The following LRRC37A3 variants were observed in gnomAD, a reference collection of about 807,000 sequenced individuals.
LRRC37A3 encodes the protein leucine rich repeat containing 37 member A3.
Under a neutral mutation model 106.2 loss-of-function variants are expected in LRRC37A3, and 25 were observed. The observed-to-expected ratio is 0.24, with a 90% CI of 0.17 to 0.33. The LOEUF (loss-of-function observed/expected upper bound fraction) is 0.33. Ranked by LOEUF, LRRC37A3 falls within the 10% of genes least tolerant of loss-of-function variation. LRRC37A3 has a pLI of 1.00. For synonymous variants in LRRC37A3, 305 were observed against 635.8 expected (o/e 0.48, Z 7.83); for missense variants, 712 against 1,644.9 (o/e 0.43, Z 9.81).
chr17:64,893,751 G>A (rs1301349252), intron 4 of LRRC37A3, among the ~76,000 whole-genome samples: 1 of 142,210 alleles, frequency 7.0e-6, no homozygotes, highest in Non-Finnish European at 1.5e-5. Flanking sequence ...CCAGGTTCAC[G>A]CCATTCTCCT....
At chr17:64,912,458 T>G (rs1457973812) in intron 2 of LRRC37A3, among the ~76,000 whole-genome samples, 2 of 151,838 alleles carry the variant, frequency 1.3e-5, no homozygotes, top group Admixed American at 6.6e-5. Context: ...TCTAAGTAGG[T>G]AGGTTAGGTA....
chr17:64,876,177 T>C (rs1401763385), intron 8 of LRRC37A3, among the ~76,000 whole-genome samples: 1 of 151,988 alleles, frequency 6.6e-6, no homozygotes, highest in South Asian at 2.1e-4. Flanking sequence ...GCCACAAACA[T>C]TTTGTTTTTT....
At chr17:64,898,629 A>C (rs1974205711) in intron 2 of LRRC37A3, 170 bp from the exon 3 acceptor site, 1 of 779,414 alleles carries the variant, frequency 1.3e-6, no homozygotes, top group Non-Finnish European at 1.5e-6. Context: ...TAAAGCTTGA[A>C]GTCTCCTTGG....
At chr17:64,874,277 G>A (rs994425980) in intron 8 of LRRC37A3, among the ~76,000 whole-genome samples, 8 of 152,258 alleles carry the variant, frequency 5.3e-5, no homozygotes, top group Non-Finnish European at 1.2e-4. Flanking sequence ...TGGGATGTGA[G>A]GAGCGCCTCT....
rs1454498930 is a variant in LRRC37A3, at chr17:64,861,912, G to A, written c.3173-939C>T. On this transcript the variant is annotated intron_variant, in intron 11 of 14. Coordinates refer to ENST00000584306, the MANE Select transcript of LRRC37A3 (RefSeq NM_199340.5). ...AAAAGTACTTTGGGTGGTGGTGAGG[G>A]TCAGAGGAAGAAGTAAAGATTGTGA... Among the ~76,000 whole-genome samples the A allele has an allele frequency of 3.9e-5, 6 of 152,190 alleles. No individual in the cohort carries two copies. The East Asian group carries it at 1.2e-3, about 29-fold the overall frequency.
chr17:64,918,917 G>T, intron 1 of LRRC37A3, 47 bp from the exon 2 acceptor site: 2 of 744,950 alleles, frequency 2.7e-6, no homozygotes, highest in Non-Finnish European at 3.7e-6. Context: ...AGCACCTGTA[G>T]TGACTACACC....
At chr17:64,912,361 A>G in intron 2 of LRRC37A3, among the ~76,000 whole-genome samples, 1 of 151,834 alleles carries the variant, frequency 6.6e-6, no homozygotes, top group Admixed American at 6.6e-5. Context: ...ACACACACAC[A>G]TATATACAAT....
intron 2 of LRRC37A3, among the ~76,000 whole-genome samples, chr17:64,916,834 G>A (rs1347427463): frequency 2.7e-5 from 4 of 149,354 alleles, no homozygotes; most frequent in African/African-American, 5.0e-5. Context: ...ATGATATACA[G>A]ATGGCAAATC....
chr17:64,872,681 C>G (rs1787691818), intron 8 of LRRC37A3, among the ~76,000 whole-genome samples: 1 of 152,128 alleles, frequency 6.6e-6, no homozygotes, highest in African/African-American at 2.4e-5. Context: ...ATAGGAAAAG[C>G]TGAGGAATAA....
chr17:64,868,749 T>C (rs1973205539), intron 9 of LRRC37A3, among the ~76,000 whole-genome samples: 1 of 152,156 alleles, frequency 6.6e-6, no homozygotes, highest in African/African-American at 2.4e-5. Context: ...TTTTTACCAT[T>C]ATCTTCTCAT....
intron 8 of LRRC37A3, among the ~76,000 whole-genome samples, chr17:64,878,810 C>A (rs1973596496): frequency 2.0e-5 from 3 of 152,308 alleles, no homozygotes; most frequent in Non-Finnish European, 2.9e-5. Context: ...GCCATATGAT[C>A]TAGCAATTCT....
chr17:64,869,512 A>G (rs934646704), intron 8 of LRRC37A3, among the ~76,000 whole-genome samples: 2 of 151,904 alleles, frequency 1.3e-5, no homozygotes, highest in African/African-American at 4.8e-5. Context: ...AGCAACCTCC[A>G]TAATTCAAGT....
intron 2 of LRRC37A3, among the ~76,000 whole-genome samples, chr17:64,912,342 T>C (rs1245227651): frequency 6.7e-6 from 1 of 150,170 alleles, no homozygotes; most frequent in Non-Finnish European, 1.5e-5. Context: ...TGTATATATA[T>C]ACACACATAC....
chr17:64,855,162 AG>A (rs1359530824), intron 14 of LRRC37A3, among the ~76,000 whole-genome samples: 1 of 152,054 alleles, frequency 6.6e-6, no homozygotes, highest in Non-Finnish European at 1.5e-5. Context: ...AAAGGAATAG[AG>A]TAGGGGCCCA....
intron 2 of LRRC37A3, among the ~76,000 whole-genome samples, chr17:64,916,645 G>A (rs1974708408): frequency 6.7e-6 from 1 of 150,250 alleles, no homozygotes; most frequent in African/African-American, 2.5e-5. Context: ...CTAGCCAGGT[G>A]TGGTGGTGCG....
intron 11 of LRRC37A3, among the ~76,000 whole-genome samples, chr17:64,862,137 C>G (rs1362872512): frequency 6.6e-6 from 1 of 151,098 alleles, no homozygotes; most frequent in African/African-American, 2.4e-5. Flanking sequence ...GAAAAATAAG[C>G]AACACTGACT....
At chr17:64,867,941 G>A (rs1973173845) in intron 10 of LRRC37A3, among the ~76,000 whole-genome samples, 1 of 152,202 alleles carries the variant, frequency 6.6e-6, no homozygotes, top group South Asian at 2.1e-4. Context: ...AGGCATGGTG[G>A]CATGTGCCTG....
At chr17:64,857,546 A>G (rs1331477553) in intron 13 of LRRC37A3, among the ~76,000 whole-genome samples, 1 of 151,980 alleles carries the variant, frequency 6.6e-6, no homozygotes, top group African/African-American at 2.4e-5. Flanking sequence ...GCTAGAGTGC[A>G]GTGGTACGAC....
Position 64,859,864 on chromosome 17 carries a change from C to A in LRRC37A3, c.4282G>T (p.Ala1428Ser), listed in dbSNP as rs752877809. Residue 1428 changes from alanine (A) to serine (S), a missense_variant, in exon 12 of 15, where the codon GCT becomes TCT. By Grantham distance (99) the Ala-to-Ser change is moderately conservative (BLOSUM62 1). Coordinates refer to ENST00000584306, the MANE Select transcript of LRRC37A3 (RefSeq NM_199340.5). The stretch of plus-strand genomic sequence containing the variant: ...GGCCCTAAGTTGAATGCAGTCCCAG[C>A]GGAATCTGCCTCAGGAGGATGATTG... ...NYNHPPEADS[A>S]GTAFNLGPTV... is the part of the protein sequence containing the mutation. 1.2e-6 allele frequency: 2 copies of A among 1,612,792 alleles called. No homozygotes were observed. The highest frequency in any genetic ancestry group is 1.1e-5 in the South Asian group (1 of 91,008).
Sources: gnomAD v4.1 joint callset for allele counts (sites outside exome capture counted in the v4.1 genomes callset) on GRCh38, gnomAD v4.1.1 for gene constraint, MANE v1.5 for transcripts, NCBI Gene and HGNC (gene_info 2026-07-23, HGNC 2026-07-21) for gene names.